Variants in UGGT2 observed in about 807,000 individuals in gnomAD.
The protein encoded by UGGT2 is UDP-glucose glycoprotein glucosyltransferase 2.
In UGGT2, 180 loss-of-function variants were observed where a neutral mutation model predicts 192.1. The ratio of observed to expected loss-of-function variants is 0.94; its 90% confidence interval spans 0.83 to 1.06. The LOEUF is 1.06. Ranked by LOEUF, UGGT2 falls within the 50% of genes least tolerant of loss-of-function variation. UGGT2 has a pLI of 0.00. For synonymous variants in UGGT2, 580 were observed against 591.0 expected (o/e 0.98, Z 0.27); for missense variants, 1,849 against 1,795.7 (o/e 1.03, Z -0.54).
intron 1 of UGGT2, among the ~76,000 whole-genome samples, chr13:96,036,753 GA>G (rs2053015446): frequency 6.6e-6 from 1 of 152,098 alleles, no homozygotes; most frequent in African/African-American, 2.4e-5. Flanking sequence ...TATTACCTTT[GA>G]ACAACATTTT....
chr13:95,848,753 T>C (rs913638761), intron 36 of UGGT2, among the ~76,000 whole-genome samples: 23 of 152,202 alleles, frequency 1.5e-4, no homozygotes, highest in African/African-American at 5.3e-4. Context: ...TTGGTTATTC[T>C]AGGTCTTTTC....
intron 20 of UGGT2, among the ~76,000 whole-genome samples, chr13:95,922,236 G>A (rs1415788606): frequency 6.6e-6 from 1 of 152,190 alleles, no homozygotes; most frequent in Non-Finnish European, 1.5e-5. Context: ...TCTCACTTAT[G>A]TGGGAGCTAA....
At chr13:95,859,478 C>G (rs1169584250) in intron 33 of UGGT2, 113 bp downstream of exon 33, 1 of 851,558 alleles carries the variant, frequency 1.2e-6, no homozygotes, top group Non-Finnish European at 1.8e-6. Context: ...ATACTAAATA[C>G]CATTTTTTCA....
At chr13:96,005,063 A>G (rs1202593877) in intron 5 of UGGT2, among the ~76,000 whole-genome samples, 1 of 152,202 alleles carries the variant, frequency 6.6e-6, no homozygotes. Context: ...TTAAAGTTTT[A>G]TTACTTCAAT....
At chr13:96,007,488 A>C (rs1427450155) in intron 5 of UGGT2, among the ~76,000 whole-genome samples, 1 of 152,228 alleles carries the variant, frequency 6.6e-6, no homozygotes, top group Admixed American at 6.5e-5. Flanking sequence ...AGGACATCCA[A>C]ATTGGAAAGG....
At chr13:96,003,068 G>A (rs548985371) in intron 5 of UGGT2, among the ~76,000 whole-genome samples, 86 of 152,256 alleles carry the variant, frequency 5.6e-4, no homozygotes, top group Non-Finnish European at 1.1e-3. Context: ...ATCCTGGACA[G>A]CTATCCTAAG....
chr13:95,820,557 G>A (rs1182108959), intron 38 of UGGT2, among the ~76,000 whole-genome samples: 2 of 152,080 alleles, frequency 1.3e-5, no homozygotes, highest in Admixed American at 1.3e-4. Context: ...AAGACTACCA[G>A]CACATATAAG....
chr13:95,911,340 A>G (rs2048490337), intron 20 of UGGT2, among the ~76,000 whole-genome samples: 1 of 152,322 alleles, frequency 6.6e-6, no homozygotes, highest in Non-Finnish European at 1.5e-5. Flanking sequence ...ACTGCTAGCA[A>G]GACTAATAAA....
At chr13:95,839,694 A>G (rs1418615506) in intron 36 of UGGT2, among the ~76,000 whole-genome samples, 1 of 152,132 alleles carries the variant, frequency 6.6e-6, no homozygotes, top group African/African-American at 2.4e-5. Flanking sequence ...TCTGTTAAAC[A>G]TTTTCATGAC....
intron 37 of UGGT2, 119 bp downstream of exon 37, chr13:95,836,967 T>A (rs1182505982): frequency 4.7e-6 from 4 of 849,506 alleles, no homozygotes; most frequent in Non-Finnish European, 5.6e-6. Context: ...TGTAATAGAC[T>A]GAACAGCAGA....
intron 12 of UGGT2, among the ~76,000 whole-genome samples, chr13:95,963,477 C>G (rs1180306460): frequency 2.0e-5 from 3 of 152,066 alleles, no homozygotes; most frequent in Non-Finnish European, 4.4e-5. Flanking sequence ...GTTCTAAGAA[C>G]TGCAACAAGA....
At position 95,902,916 on chromosome 13, in the gene UGGT2, C is replaced by A; in HGVS notation, c.2440G>T (p.Ala814Ser). The A allele has an allele frequency of 6.2e-7, 1 of 1,613,454 alleles. No homozygotes were observed. Among genetic ancestry groups the A allele is most frequent in the Non-Finnish European group, 8.5e-7 (1 of 1,179,640 alleles). ...ATAGCTGTAGCAATTTCTTCCTTTG[C>A]CAGTTGCCCAAGAAAGCTTCTCAAA... ...MFLRSFLGQL[A>S]KEEIATAIYS... The change falls in exon 21 of 39, where the codon GCA (alanine) becomes TCA (serine). Residue 814 changes from alanine to serine, a missense_variant. Transcript: ENST00000376747.
chr13:95,947,855 C>T, intron 14 of UGGT2, 141 bp downstream of exon 14: 2 of 598,356 alleles, frequency 3.3e-6, no homozygotes, highest in Non-Finnish European at 6.0e-6. Flanking sequence ...GTATATAATA[C>T]TTCACAACGT....
intron 36 of UGGT2, among the ~76,000 whole-genome samples, chr13:95,850,773 A>T (rs901151496): frequency 2.6e-5 from 4 of 152,340 alleles, no homozygotes; most frequent in African/African-American, 7.2e-5. Context: ...GGACTGACCT[A>T]TACACATATT....
chr13:96,003,966 T>C (rs1016756716), intron 5 of UGGT2, among the ~76,000 whole-genome samples: 2 of 152,196 alleles, frequency 1.3e-5, no homozygotes, highest in African/African-American at 2.4e-5. Context: ...CAGATTCCTC[T>C]AACAAATTTC....
chr13:96,022,840 A>G (rs1250711192), intron 4 of UGGT2, among the ~76,000 whole-genome samples, 200 bp downstream of exon 4: 1 of 152,020 alleles, frequency 6.6e-6, no homozygotes, highest in Non-Finnish European at 1.5e-5. Flanking sequence ...ATTTTATGTT[A>G]TTTTGGCACA....
intron 1 of UGGT2, among the ~76,000 whole-genome samples, chr13:96,039,213 CA>C: frequency 2.0e-5 from 3 of 147,464 alleles, no homozygotes; most frequent in Middle Eastern, 7.1e-3. Flanking sequence ...AAGGGCAGCA[CA>C]ATGTTTACAG....
At chr13:95,822,491 C>T (rs926914176) in intron 38 of UGGT2, among the ~76,000 whole-genome samples, 46 of 151,984 alleles carry the variant, frequency 3.0e-4, no homozygotes, top group Non-Finnish European at 1.2e-4. Flanking sequence ...TGGTGAACAG[C>T]ACTAGTTTGA....
chr13:95,913,183 G>A (rs897456872), intron 20 of UGGT2, among the ~76,000 whole-genome samples: 1 of 152,160 alleles, frequency 6.6e-6, no homozygotes, highest in Non-Finnish European at 1.5e-5. Context: ...CATGGTCAAG[G>A]ACTTCATGAC....
Sources: gnomAD v4.1 joint callset for allele counts (sites outside exome capture counted in the v4.1 genomes callset) on GRCh38, gnomAD v4.1.1 for gene constraint, MANE v1.5 for transcripts, NCBI Gene and HGNC (gene_info 2026-07-23, HGNC 2026-07-21) for gene names.